Variants in FOXK1 observed in about 807,000 individuals in gnomAD.
FOXK1 encodes forkhead box K1.
FOXK1 carries 19 observed loss-of-function variants against 51.9 expected under a neutral mutation model. That is an observed-to-expected ratio of 0.37 (90% confidence interval 0.26 to 0.54). The LOEUF is 0.54. Among genes scored for constraint, FOXK1 ranks in the 20% least tolerant of loss-of-function variants. The pLI is 0.87. For missense variants in FOXK1, 870 were observed against 1,032.7 expected (o/e 0.84, Z 2.16); for synonymous variants, 537 against 482.6 (o/e 1.11, Z -1.48).
Position 4,757,044 on chromosome 7 carries a change from A to G in FOXK1, c.1101A>G (p.Pro367=), listed in dbSNP as rs759103749. 17 of 1,613,722 alleles carry G rather than the reference A, an allele frequency of 1.1e-5. No individual in the cohort carries two copies. The Admixed American group carries it at 2.5e-4, about 24-fold the overall frequency. Residue 367 remains proline (P), a synonymous_variant, in exon 5 of 9, where the codon CCA becomes CCG. Transcript: ENST00000328914. ...LSLNRYFIKV[P]RSQEEPGKGS... ...TGAACCGTTACTTTATCAAAGTCCC[A>G]CGTTCCCAGGAGGAGCCTGGGAAGG... is the stretch of plus-strand genomic sequence containing the variant.
chr7:4,759,890 G>C (rs1780908964), intron 7 of FOXK1: 1 of 498,214 alleles, frequency 2.0e-6, no homozygotes, highest in African/African-American at 2.0e-5. Flanking sequence ...AATTAGCCAG[G>C]CATGATGATG....
intron 2 of FOXK1, among the ~76,000 whole-genome samples, chr7:4,751,683 T>C (rs1780780796): frequency 6.6e-6 from 1 of 152,220 alleles, no homozygotes. Flanking sequence ...GACGGGCTGC[T>C]CCGAGGGCTG....
intron 1 of FOXK1, among the ~76,000 whole-genome samples, chr7:4,701,694 C>T (rs1412625697): frequency 2.0e-5 from 3 of 152,180 alleles, no homozygotes; most frequent in Non-Finnish European, 4.4e-5. Flanking sequence ...GAGATCAAGA[C>T]CATCCTGGCT....
Position 4,755,443 on chromosome 7 carries a change from A to C in FOXK1, c.1050+60A>C. The stretch of plus-strand genomic sequence containing the variant: ...AAGGCCCTTAGAACATGGAACTCAC[A>C]GGCATATTGCTTCCCTTAAAACAGA... On this transcript the variant is annotated intron_variant, in intron 4 of 8. Transcript: ENST00000328914. The surrounding 1 kb of genome is among the most constrained non-coding windows in gnomAD (Gnocchi z 6.6). 1 of 1,587,038 alleles carries C rather than the reference A, an allele frequency of 6.3e-7. No individual in the cohort carries two copies. Among genetic ancestry groups the C allele is most frequent in the Non-Finnish European group, 8.6e-7 (1 of 1,163,644 alleles).
At chr7:4,732,584 G>A (rs576945710) in intron 1 of FOXK1, among the ~76,000 whole-genome samples, 3 of 152,258 alleles carry the variant, frequency 2.0e-5, no homozygotes, top group East Asian at 1.9e-4. Context: ...GTGAACCACC[G>A]TGGGATTACG....
At chr7:4,717,648 G>A (rs915542308) in intron 1 of FOXK1, among the ~76,000 whole-genome samples, 1 of 152,186 alleles carries the variant, frequency 6.6e-6, no homozygotes, top group African/African-American at 2.4e-5. Context: ...AGCCCCAGAG[G>A]CAGGGCCCTT....
intron 1 of FOXK1, among the ~76,000 whole-genome samples, chr7:4,727,402 G>A (rs947345746): frequency 5.9e-5 from 9 of 151,992 alleles, no homozygotes; most frequent in African/African-American, 1.7e-4. Context: ...TGCAACCTTC[G>A]CCTCCCGGGT....
chr7:4,705,282 G>A (rs1780069081), intron 1 of FOXK1, among the ~76,000 whole-genome samples: 1 of 151,894 alleles, frequency 6.6e-6, no homozygotes, highest in Non-Finnish European at 1.5e-5. Flanking sequence ...CAAACTCCTG[G>A]GCTCAAGCCA....
rs568110660 is a variant in FOXK1 at position 4,729,104 on chromosome 7, G to A, written c.561-11734G>A. Among the ~76,000 whole-genome samples the A allele has an allele frequency of 6.6e-6, 1 of 152,358 alleles. No homozygotes were observed. The highest frequency in any genetic ancestry group is 1.9e-4 in the East Asian group (1 of 5,184). The stretch of plus-strand genomic sequence containing the variant: ...GAGGGTTGCAGAACACTGTGTCTGT[G>A]TCCGCTGTCTTAAAGAGCCTAGTCC... On this transcript the variant is annotated intron_variant, in intron 1 of 8. Coordinates refer to ENST00000328914, the MANE Select transcript of FOXK1 (RefSeq NM_001037165.2). The surrounding 1 kb of genome is among the most constrained non-coding windows in gnomAD (Gnocchi z 6.2).
Position 4,742,510 on chromosome 7 carries a change from G to A in FOXK1, c.746+1487G>A, listed in dbSNP as rs142681570. ...TAGCTCGCTGCAGCCTCCAACTCCT[G>A]GGCTCAAGCGGTCTCCCCACCTCAG... On this transcript the variant is annotated intron_variant, in intron 2 of 8. Transcript: ENST00000328914. 3.7e-3 allele frequency among the ~76,000 whole-genome samples: 562 copies of A among 152,230 alleles called. 3 individuals are homozygous for A. The highest frequency in any genetic ancestry group is 0.013 in the African/African-American group (526 of 41,540).
In FOXK1 at chr7:4,709,508, C is replaced by T. The variant is rs180761160; in HGVS notation, c.560+26640C>T. Among the ~76,000 whole-genome samples, 212 of 152,324 alleles carry T rather than the reference C, an allele frequency of 1.4e-3. No individual in the cohort carries two copies. The highest frequency in any genetic ancestry group is 2.4e-3 in the Non-Finnish European group (164 of 68,026). On this transcript the variant is annotated intron_variant, in intron 1 of 8. Coordinates refer to ENST00000328914, the MANE Select transcript of FOXK1 (RefSeq NM_001037165.2). The surrounding 1 kb of genome is among the most constrained non-coding windows in gnomAD (Gnocchi z 5.6). ...CCTGCTGGCCCGCGACCCCTGCTGG[C>T]AGATCGAGGCTGGCCCGTGACCGGG...
At position 4,755,294 on chromosome 7, in the gene FOXK1, G is replaced by T. The variant is rs184072665; in HGVS notation, c.961G>T (p.Ala321Ser). 1.2e-6 allele frequency: 2 copies of T among 1,613,934 alleles called. No individual in the cohort carries two copies. Among genetic ancestry groups the T allele is most frequent in the South Asian group, 1.1e-5 (1 of 91,078 alleles). ...GCTGATCGTGCAGGCCATCTCCTCC[G>T]CCCAGGACCGGCAGCTGACCCTGAG... ...AQLIVQAISS[A>S]QDRQLTLSGI... Residue 321 changes from alanine (A) to serine (S), a missense_variant, in exon 4 of 9, where the codon GCC becomes TCC. Coordinates refer to ENST00000328914, the MANE Select transcript of FOXK1 (RefSeq NM_001037165.2). This position sits in a 1 kb window ranked among gnomAD's most constrained non-coding sequence, Gnocchi z 6.6.
chr7:4,728,793 G>T (rs187055466), intron 1 of FOXK1, among the ~76,000 whole-genome samples: 278 of 151,416 alleles, frequency 1.8e-3, no homozygotes, highest in Admixed American at 3.8e-3. Context: ...GGGCATGAGA[G>T]TGAGCCAGGG....
intron 1 of FOXK1, among the ~76,000 whole-genome samples, chr7:4,714,321 C>T (rs1229173860): frequency 1.3e-5 from 2 of 152,162 alleles, no homozygotes; most frequent in Admixed American, 1.3e-4. Flanking sequence ...CTGTGTCACC[C>T]AGGCTGGAGT....
Position 4,755,480 on chromosome 7 carries a change from G to A in FOXK1, c.1050+97G>A. Reference sequence around the variant, plus strand: ...TCCCTTAAAACAGAAGAGGGCCAGTGAGGGGGCTCACGCCTGGAACCCTAG... The same window carrying A: ...TCCCTTAAAACAGAAGAGGGCCAGTAAGGGGGCTCACGCCTGGAACCCTAG... On this transcript the variant is annotated intron_variant, in intron 4 of 8. Transcript: ENST00000328914. This position sits in a 1 kb window ranked among gnomAD's most constrained non-coding sequence, Gnocchi z 6.6. 1 of 1,508,492 alleles carries A rather than the reference G, an allele frequency of 6.6e-7. No individual in the cohort carries two copies. Among genetic ancestry groups the A allele is most frequent in the Non-Finnish European group, 9.0e-7 (1 of 1,116,416 alleles). 93.4% of individuals were successfully genotyped at this position (1,508,492 alleles called of 1,614,324 possible).
At position 4,683,633 on chromosome 7, in the gene FOXK1, A is replaced by G. The variant is rs1779781785; in HGVS notation, c.560+765A>G. Among the ~76,000 whole-genome samples, 1 of 150,016 alleles carries G rather than the reference A, an allele frequency of 6.7e-6. No homozygotes were observed. Among genetic ancestry groups the G allele is most frequent in the East Asian group, 2.0e-4 (1 of 4,940 alleles). Reference sequence around the variant, plus strand: ...GTCACCCCAGCCTGACCTGGTTCTCAGGACCACCCCCGACCCCCACCAGCC... The same window carrying G: ...GTCACCCCAGCCTGACCTGGTTCTCGGGACCACCCCCGACCCCCACCAGCC... On this transcript the variant is annotated intron_variant, in intron 1 of 8. Transcript: ENST00000328914. The surrounding 1 kb of genome is among the most constrained non-coding windows in gnomAD (Gnocchi z 4.5).
chr7:4,725,389 T>G (rs1323017521), intron 1 of FOXK1, among the ~76,000 whole-genome samples: 6 of 152,180 alleles, frequency 3.9e-5, no homozygotes, highest in Non-Finnish European at 7.4e-5. Context: ...GTCATCGGAT[T>G]TTTTTTCACT....
chr7:4,744,782 T>C (rs534406469), intron 2 of FOXK1, among the ~76,000 whole-genome samples: 3 of 152,306 alleles, frequency 2.0e-5, no homozygotes, highest in African/African-American at 7.2e-5. Flanking sequence ...CCCTTTCCCC[T>C]CCTTCCGCCC....
rs547625538 is a variant in FOXK1 at position 4,723,901 on chromosome 7, G to T, written c.561-16937G>T. Among the ~76,000 whole-genome samples the T allele has an allele frequency of 6.6e-6, 1 of 152,260 alleles. No individual in the cohort carries two copies. The highest frequency in any genetic ancestry group is 2.4e-5 in the African/African-American group (1 of 41,556). Reference sequence around the variant, plus strand: ...GCCCAGGCCGGTCTCGACCTCCTAGGCTCAAGCGATCCTCCTACCTCAGCT... The same window carrying T: ...GCCCAGGCCGGTCTCGACCTCCTAGTCTCAAGCGATCCTCCTACCTCAGCT... On this transcript the variant is annotated intron_variant, in intron 1 of 8. Coordinates refer to ENST00000328914, the MANE Select transcript of FOXK1 (RefSeq NM_001037165.2). This position sits in a 1 kb window ranked among gnomAD's most constrained non-coding sequence, Gnocchi z 4.7.
Sources: gnomAD v4.1 joint callset for allele counts (sites outside exome capture counted in the v4.1 genomes callset) on GRCh38, gnomAD v4.1.1 for gene constraint, Gnocchi (gnomAD v3.1) non-coding constraint, MANE v1.5 for transcripts, NCBI Gene and HGNC (gene_info 2026-07-23, HGNC 2026-07-21) for gene names.